The following PTPRN2 variants were observed in gnomAD, a reference collection of about 807,000 sequenced individuals.
PTPRN2 encodes receptor-type tyrosine-protein phosphatase N2.
PTPRN2 carries 74 observed loss-of-function variants against 118.8 expected under a neutral mutation model. That is an observed-to-expected ratio of 0.62 (90% confidence interval 0.52 to 0.76). The LOEUF (loss-of-function observed/expected upper bound fraction) is 0.76, where lower values mean the gene tolerates loss of function less well. Ranked by LOEUF, PTPRN2 falls within the 30% of genes least tolerant of loss-of-function variation. PTPRN2 has a pLI of 0.00. For synonymous variants in PTPRN2, 641 were observed against 608.0 expected (o/e 1.05, Z -0.80); for missense variants, 1,481 against 1,394.4 (o/e 1.06, Z -0.99).
intron 17 of PTPRN2, among the ~76,000 whole-genome samples, chr7:157,579,727 A>T (rs1800251658): frequency 6.6e-6 from 1 of 152,216 alleles, no homozygotes; most frequent in Non-Finnish European, 1.5e-5. Flanking sequence ...TCCAAATGAA[A>T]CTTAATTTAA....
intron 11 of PTPRN2, among the ~76,000 whole-genome samples, chr7:158,051,486 C>G (rs1809322620): frequency 6.6e-6 from 1 of 152,180 alleles, no homozygotes; most frequent in Non-Finnish European, 1.5e-5. Context: ...GTCAGGTGCA[C>G]CAAGGTTCCT....
chr7:158,229,231 C>T (rs1361262223), intron 3 of PTPRN2, among the ~76,000 whole-genome samples: 1 of 151,936 alleles, frequency 6.6e-6, no homozygotes, highest in Non-Finnish European at 1.5e-5. Context: ...AAAAGAAATT[C>T]CACAGGTAAA....
chr7:157,661,486 AGCCCG>A (rs534356581), intron 13 of PTPRN2, among the ~76,000 whole-genome samples: 2 of 127,428 alleles, frequency 1.6e-5, no homozygotes, highest in South Asian at 4.8e-4. Flanking sequence ...CGGGTGCTCT[AGCCCG>A]GCGCTGCTCC....
chr7:158,045,720 A>G (rs1808794781), intron 11 of PTPRN2, among the ~76,000 whole-genome samples: 1 of 152,122 alleles, frequency 6.6e-6, no homozygotes, highest in Non-Finnish European at 1.5e-5. Context: ...GCGTCCTGAC[A>G]CTGCCTTGTT....
At chr7:158,361,039 C>T (rs368212473) in intron 2 of PTPRN2, among the ~76,000 whole-genome samples, 19 of 5,982 alleles carry the variant, frequency 3.2e-3, no homozygotes, top group East Asian at 7.9e-3. Flanking sequence ...TCACCCAGGA[C>T]GACGCACAGA....
chr7:158,269,761 C>A (rs991219531), intron 3 of PTPRN2, among the ~76,000 whole-genome samples: 18 of 146,216 alleles, frequency 1.2e-4, no homozygotes, highest in Non-Finnish European at 1.9e-4. Flanking sequence ...GAGACAGAGA[C>A]AGAGGAACAG....
intron 1 of PTPRN2, among the ~76,000 whole-genome samples, chr7:158,556,105 G>A (rs1183351686): frequency 6.6e-6 from 1 of 152,234 alleles, no homozygotes; most frequent in Admixed American, 6.5e-5. Context: ...ATTGTTAGAT[G>A]TGAAAGACTA....
At chr7:158,474,711 G>C (rs553869024) in intron 2 of PTPRN2, among the ~76,000 whole-genome samples, 2 of 152,134 alleles carry the variant, frequency 1.3e-5, no homozygotes, top group Non-Finnish European at 2.9e-5. Flanking sequence ...GCTAAGAGGC[G>C]GGTGCCCATC....
chr7:158,142,169 C>T (rs1020543518), intron 6 of PTPRN2, among the ~76,000 whole-genome samples: 24 of 152,240 alleles, frequency 1.6e-4, no homozygotes, highest in African/African-American at 3.4e-4. Flanking sequence ...ACCCACTCCA[C>T]GCAGGCTTTC....
Position 158,445,079 on chromosome 7 carries a change from A to T in PTPRN2, c.163+44656T>A, listed in dbSNP as rs10269499. Among the ~76,000 whole-genome samples, 1,014 of 152,160 alleles carry T rather than the reference A, an allele frequency of 6.7e-3. 17 individuals carry two copies. Among genetic ancestry groups the T allele is most frequent in the African/African-American group, 0.023 (956 of 41,500 alleles). ...GGGCTTAACCAGGAGGGCTGGGGAG[A>T]GCTGGATGCCCTTCACCCTCGCTGG... On this transcript the variant is annotated intron_variant, in intron 2 of 22. Transcript: ENST00000389418.
chr7:157,585,169 C>G lies in PTPRN2; in HGVS notation c.2497-7029G>C, dbSNP rs1242617867. Among the ~76,000 whole-genome samples the G allele has an allele frequency of 6.6e-6, 1 of 152,178 alleles. No homozygotes were observed. Among genetic ancestry groups the G allele is most frequent in the African/African-American group, 2.4e-5 (1 of 41,458 alleles). ...TGATGAGGGGGCAGCGGGAGGAACCCCCCTGTGCCGCTATCAGATCGACGC... is the reference window on the plus strand; with the variant it reads ...TGATGAGGGGGCAGCGGGAGGAACCGCCCTGTGCCGCTATCAGATCGACGC... On this transcript the variant is annotated intron_variant, in intron 17 of 22. Transcript: ENST00000389418. The surrounding 1 kb of genome is among the most constrained non-coding windows in gnomAD (Gnocchi z 5.2).
chr7:158,157,054 G>A (rs774262550), intron 6 of PTPRN2, among the ~76,000 whole-genome samples: 3 of 151,412 alleles, frequency 2.0e-5, no homozygotes, highest in Non-Finnish European at 4.4e-5. Context: ...CTTACACAGC[G>A]GACAGCACCC....
At chr7:157,733,218 C>A (rs1311668499) in intron 12 of PTPRN2, among the ~76,000 whole-genome samples, 1 of 29,338 alleles carries the variant, frequency 3.4e-5, no homozygotes, top group Non-Finnish European at 6.5e-5. Context: ...TTTCCCGTCC[C>A]ACGCGCCCAG....
At chr7:157,772,154 AACAC>A (rs375303297) in intron 12 of PTPRN2, among the ~76,000 whole-genome samples, 3,937 of 146,598 alleles carry the variant, frequency 0.027, 166 homozygotes, top group African/African-American at 0.094. Flanking sequence ...CACAGACACA[AACAC>A]ACACACAGGC....
intron 12 of PTPRN2, among the ~76,000 whole-genome samples, chr7:157,761,389 T>C (rs1285103398): frequency 1.3e-5 from 2 of 149,938 alleles, no homozygotes; most frequent in African/African-American, 4.9e-5. Flanking sequence ...ATGGTACTGG[T>C]ACCAAAACAG....
At chr7:157,631,277 T>C (rs1474301127) in intron 14 of PTPRN2, among the ~76,000 whole-genome samples, 1 of 152,246 alleles carries the variant, frequency 6.6e-6, no homozygotes, top group African/African-American at 2.4e-5. Context: ...CCAGTTGGTA[T>C]GCAGTTCGGG....
chr7:158,333,781 C>G (rs1337756529), intron 2 of PTPRN2, among the ~76,000 whole-genome samples: 11 of 148,872 alleles, frequency 7.4e-5, no homozygotes, highest in Admixed American at 7.4e-4. Context: ...ATCACTCACA[C>G]ACACACTCTC....
At chr7:158,408,717 T>TG (rs1171851463) in intron 2 of PTPRN2, among the ~76,000 whole-genome samples, 54 of 152,346 alleles carry the variant, frequency 3.5e-4, no homozygotes, top group African/African-American at 1.3e-3. Flanking sequence ...CCACCCTTCG[T>TG]GACCGGACTA....
At position 157,648,617 on chromosome 7, in the gene PTPRN2, A is replaced by G. The variant is rs557757065; in HGVS notation, c.2196+7740T>C. On this transcript the variant is annotated intron_variant, in intron 14 of 22. Coordinates refer to ENST00000389418, the MANE Select transcript of PTPRN2 (RefSeq NM_002847.5). Reference sequence around the variant, plus strand: ...GGTGGGTCGGACCCATCCAGCGTGCACTGAACTCGGTGGGTTGGACCCATC... The same window carrying G: ...GGTGGGTCGGACCCATCCAGCGTGCGCTGAACTCGGTGGGTTGGACCCATC... Among the ~76,000 whole-genome samples, 6 of 135,972 alleles carry G rather than the reference A, an allele frequency of 4.4e-5. No homozygotes were observed. In the South Asian group the frequency reaches 1.7e-3, roughly 39 times the overall value. The allele number at this position is 135,972 out of a possible 152,430, so 89.2% of individuals were successfully genotyped here.
Sources: gnomAD v4.1 joint callset for allele counts (sites outside exome capture counted in the v4.1 genomes callset) on GRCh38, gnomAD v4.1.1 for gene constraint, Gnocchi (gnomAD v3.1) non-coding constraint, MANE v1.5 for transcripts, NCBI Gene and HGNC (gene_info 2026-07-23, HGNC 2026-07-21) for gene names.